Variants in KIRREL3 observed in about 807,000 individuals in gnomAD.
The protein encoded by KIRREL3 is kin of IRRE-like protein 3.
Under a neutral mutation model 89.7 loss-of-function variants are expected in KIRREL3, and 36 were observed. That is an observed-to-expected ratio of 0.40 (90% confidence interval 0.31 to 0.53). KIRREL3 has a LOEUF of 0.53. Among genes scored for constraint, KIRREL3 ranks in the 20% least tolerant of loss-of-function variants. The pLI is 0.49. For synonymous variants in KIRREL3, 445 were observed against 441.4 expected (o/e 1.01, Z -0.10); for missense variants, 864 against 1,056.6 (o/e 0.82, Z 2.53).
chr11:126,705,792 A>G lies in KIRREL3; in HGVS notation c.56-142880T>C, dbSNP rs930552647. Among the ~76,000 whole-genome samples, 18 of 152,208 alleles carry G rather than the reference A, an allele frequency of 1.2e-4. No homozygotes were observed. The highest frequency in any genetic ancestry group is 4.3e-4 in the African/African-American group (18 of 41,444). Reference sequence around the variant, plus strand: ...GAAAGAGGTGGAGGCTACCTCTCCTATTTTAGAACTGCCATGGCACTGTGA... The same window carrying G: ...GAAAGAGGTGGAGGCTACCTCTCCTGTTTTAGAACTGCCATGGCACTGTGA... On this transcript the variant is annotated intron_variant, in intron 1 of 16. Coordinates refer to ENST00000525144, the MANE Select transcript of KIRREL3 (RefSeq NM_032531.4). The surrounding 1 kb of genome is among the most constrained non-coding windows in gnomAD (Gnocchi z 4.3).
At chr11:126,728,072 G>A (rs1351041068) in intron 1 of KIRREL3, among the ~76,000 whole-genome samples, 1 of 152,154 alleles carries the variant, frequency 6.6e-6, no homozygotes. Flanking sequence ...AATCCATTAT[G>A]TGACTGGTAT....
rs946115524 is a variant in KIRREL3, at chr11:126,471,327, G to A, written c.591+1982C>T. ...GGAGGTTGCGGTGAGCTGAGATCAC[G>A]CCATTGCACTCCAGTCTGGGCAACA... is the stretch of plus-strand genomic sequence containing the variant. On this transcript the variant is annotated intron_variant, in intron 5 of 16. Coordinates refer to ENST00000525144, the MANE Select transcript of KIRREL3 (RefSeq NM_032531.4). This position sits in a 1 kb window ranked among gnomAD's most constrained non-coding sequence, Gnocchi z 5.4. Among the ~76,000 whole-genome samples, 1 of 151,786 alleles carries A rather than the reference G, an allele frequency of 6.6e-6. No individual in the cohort carries two copies. Among genetic ancestry groups the A allele is most frequent in the African/African-American group, 2.4e-5 (1 of 41,300 alleles).
At position 126,435,316 on chromosome 11, in the gene KIRREL3, A is replaced by G; in HGVS notation, c.1553-13T>C. The G allele has an allele frequency of 1.2e-6, 2 of 1,613,820 alleles. No individual in the cohort carries two copies. The highest frequency in any genetic ancestry group is 2.2e-5 in the East Asian group (1 of 44,864). On this transcript the variant is annotated splice_polypyrimidine_tract_variant and intron_variant, in intron 12 of 16. Transcript: ENST00000525144. ...TTCATTTCCGAACCTGTTTGGAAAT[A>G]AAGCAAGCGTCTACAGCCAGGGCCT...
Position 126,909,374 on chromosome 11 carries a change from C to T in KIRREL3, c.55+91081G>A, listed in dbSNP as rs1447453581. ...AAGGCAAGAGAGCAAGGACGCATTG[C>T]ACTCATCCTTGCATATCTGTAGCTC... On this transcript the variant is annotated intron_variant, in intron 1 of 16. Transcript: ENST00000525144. This position sits in a 1 kb window ranked among gnomAD's most constrained non-coding sequence, Gnocchi z 4.5. 6.6e-6 allele frequency among the ~76,000 whole-genome samples: 1 copy of T among 152,206 alleles called. No individual in the cohort carries two copies. Among genetic ancestry groups the T allele is most frequent in the Non-Finnish European group, 1.5e-5 (1 of 68,040 alleles).
In KIRREL3 at chr11:126,496,323, C is replaced by T. The variant is rs1957654336; in HGVS notation, c.434-22857G>A. Among the ~76,000 whole-genome samples, 1 of 152,170 alleles carries T rather than the reference C, an allele frequency of 6.6e-6. No homozygotes were observed. The highest frequency in any genetic ancestry group is 2.1e-4 in the South Asian group (1 of 4,826). On this transcript the variant is annotated intron_variant, in intron 4 of 16. Transcript: ENST00000525144. This position sits in a 1 kb window ranked among gnomAD's most constrained non-coding sequence, Gnocchi z 4.9. ...TCTTTCTCTTTACCAGAACCCTGAA[C>T]ACTGGTAAGGCAGGCATTCTTAGTC...
intron 11 of KIRREL3, among the ~76,000 whole-genome samples, chr11:126,438,437 G>A (rs532318106): frequency 3.3e-5 from 5 of 152,330 alleles, no homozygotes; most frequent in South Asian, 4.1e-4. Flanking sequence ...ATTCCTGGCC[G>A]TGGGGCTCTC....
rs1414495220 is a variant in KIRREL3, at chr11:126,709,358, G to A, written c.56-146446C>T. ...CTTCCCCGGGAGTAGGGGTGGAGGG[G>A]CAGCACCCCCGGGCAGAAGATGCAG... On this transcript the variant is annotated intron_variant, in intron 1 of 16. Coordinates refer to ENST00000525144, the MANE Select transcript of KIRREL3 (RefSeq NM_032531.4). The surrounding 1 kb of genome is among the most constrained non-coding windows in gnomAD (Gnocchi z 4.0). 6.6e-6 allele frequency among the ~76,000 whole-genome samples: 1 copy of A among 152,138 alleles called. No individual in the cohort carries two copies. Among genetic ancestry groups the A allele is most frequent in the Non-Finnish European group, 1.5e-5 (1 of 68,034 alleles).
chr11:126,440,602 G>T, intron 10 of KIRREL3, 53 bp from the exon 11 acceptor site: 1 of 1,483,414 alleles, frequency 6.7e-7, no homozygotes, highest in Non-Finnish European at 9.2e-7. Flanking sequence ...GTCCCTGCTG[G>T]CGCCCTCTTG....
Position 126,521,609 on chromosome 11 carries a change from C to T in KIRREL3, c.284-145G>A, listed in dbSNP as rs998114082. 2 of 690,744 alleles carry T rather than the reference C, an allele frequency of 2.9e-6. No homozygotes were observed. Among genetic ancestry groups the T allele is most frequent in the African/African-American group, 3.6e-5 (2 of 55,498 alleles). 42.8% of individuals were successfully genotyped at this position (690,744 alleles called of 1,614,324 possible). Reference sequence around the variant, plus strand: ...ATTGCTCAGGGCTCTGATCTCAGTGCAAGGAGCACAAATGCAAGAGCTTTC... The same window carrying T: ...ATTGCTCAGGGCTCTGATCTCAGTGTAAGGAGCACAAATGCAAGAGCTTTC... On this transcript the variant is annotated intron_variant, in intron 3 of 16. Transcript: ENST00000525144. The surrounding 1 kb of genome is among the most constrained non-coding windows in gnomAD (Gnocchi z 4.1).
rs1956563807 is a variant in KIRREL3 at position 126,462,044 on chromosome 11, G to A, written c.742+1113C>T. 6.6e-6 allele frequency among the ~76,000 whole-genome samples: 1 copy of A among 152,136 alleles called. No homozygotes were observed. The highest frequency in any genetic ancestry group is 1.5e-5 in the Non-Finnish European group (1 of 68,032). On this transcript the variant is annotated intron_variant, in intron 6 of 16. Coordinates refer to ENST00000525144, the MANE Select transcript of KIRREL3 (RefSeq NM_032531.4). This position sits in a 1 kb window ranked among gnomAD's most constrained non-coding sequence, Gnocchi z 4.8. ...AACTGAACTAATCCAGTCTTGAGAGGAAGGCCCCTGGAACACCTTGCTGAG... is the reference window on the plus strand; with the variant it reads ...AACTGAACTAATCCAGTCTTGAGAGAAAGGCCCCTGGAACACCTTGCTGAG...
chr11:126,958,437 C>A (rs1440200956), intron 1 of KIRREL3, among the ~76,000 whole-genome samples: 1 of 152,238 alleles, frequency 6.6e-6, no homozygotes, highest in Non-Finnish European at 1.5e-5. Context: ...GTGATGAGGT[C>A]TAACAGAGAC....
rs1945314879 is a variant in KIRREL3, at chr11:126,876,978, C to T, written c.55+123477G>A. On this transcript the variant is annotated intron_variant, in intron 1 of 16. Coordinates refer to ENST00000525144, the MANE Select transcript of KIRREL3 (RefSeq NM_032531.4). The surrounding 1 kb of genome is among the most constrained non-coding windows in gnomAD (Gnocchi z 4.1). ...ATAAAAAAAGAGTTATATTACTGGG[C>T]ACCCAGGAAAAGGAACAACAGATAA... Among the ~76,000 whole-genome samples the T allele has an allele frequency of 6.6e-6, 1 of 152,134 alleles. No homozygotes were observed. The highest frequency in any genetic ancestry group is 1.5e-5 in the Non-Finnish European group (1 of 68,030).
chr11:126,819,044 G>A (rs542155653), intron 1 of KIRREL3, among the ~76,000 whole-genome samples: 1 of 152,314 alleles, frequency 6.6e-6, no homozygotes, highest in East Asian at 1.9e-4. Context: ...CAGTTGGGGA[G>A]GAAGGTGGCA....
At position 126,444,970 on chromosome 11, in the gene KIRREL3, G is replaced by C. The variant is rs746784902; in HGVS notation, c.1252+9C>G. On this transcript the variant is annotated intron_variant, in intron 10 of 16. Coordinates refer to ENST00000525144, the MANE Select transcript of KIRREL3 (RefSeq NM_032531.4). ...CCTCAGGCCTGGCTCACCCCAGCGA[G>C]GGTCTTACCATTGACGGTCAGGGTC... 2.5e-6 allele frequency: 4 copies of C among 1,613,682 alleles called. No homozygotes were observed. The highest frequency in any genetic ancestry group is 1.7e-4 in the Middle Eastern group (1 of 6,058).
chr11:126,684,589 C>T lies in KIRREL3; in HGVS notation c.56-121677G>A, dbSNP rs944514565. ...TTTACCCTACCAGGCCAGTCAGAAT[C>T]GACTCACTGATGATCAAAAAAGAGA... On this transcript the variant is annotated intron_variant, in intron 1 of 16. Transcript: ENST00000525144. This position sits in a 1 kb window ranked among gnomAD's most constrained non-coding sequence, Gnocchi z 4.2. 6.6e-6 allele frequency among the ~76,000 whole-genome samples: 1 copy of T among 152,152 alleles called. No homozygotes were observed. The highest frequency in any genetic ancestry group is 2.4e-5 in the African/African-American group (1 of 41,438).
At chr11:126,452,682 G>A (rs967319478) in intron 7 of KIRREL3, among the ~76,000 whole-genome samples, 1 of 152,196 alleles carries the variant, frequency 6.6e-6, no homozygotes, top group African/African-American at 2.4e-5. Context: ...TGCTGGCTCC[G>A]GGAGCCAAGG....
upstream of KIRREL3, among the ~76,000 whole-genome samples, chr11:127,002,506 A>G (rs1950332419): frequency 6.6e-6 from 1 of 152,236 alleles, no homozygotes; most frequent in African/African-American, 2.4e-5. Flanking sequence ...TCAAAAACAC[A>G]CAGAGGAGAT....
At chr11:126,712,313 G>A (rs963694491) in intron 1 of KIRREL3, among the ~76,000 whole-genome samples, 2 of 151,966 alleles carry the variant, frequency 1.3e-5, no homozygotes, top group Non-Finnish European at 2.9e-5. Flanking sequence ...TGGGGGGCTG[G>A]GGCTGTCCTC....
At position 126,627,281 on chromosome 11, in the gene KIRREL3, G is replaced by C. The variant is rs1759951987; in HGVS notation, c.56-64369C>G. On this transcript the variant is annotated intron_variant, in intron 1 of 16. Transcript: ENST00000525144. The surrounding 1 kb of genome is among the most constrained non-coding windows in gnomAD (Gnocchi z 5.0). ...GGCTGTAGGATGCTGAGGATTCCTGGGGGAGATGAGGAAGGAGACAGAGGC... is the reference window on the plus strand; with the variant it reads ...GGCTGTAGGATGCTGAGGATTCCTGCGGGAGATGAGGAAGGAGACAGAGGC... Among the ~76,000 whole-genome samples the C allele has an allele frequency of 6.6e-6, 1 of 152,172 alleles. No individual in the cohort carries two copies. The highest frequency in any genetic ancestry group is 6.5e-5 in the Admixed American group (1 of 15,272).
Sources: allele counts gnomAD v4.1 joint callset (sites outside exome capture counted in the v4.1 genomes callset), GRCh38; gene constraint gnomAD v4.1.1; non-coding constraint Gnocchi (gnomAD v3.1); transcripts MANE v1.5; gene names NCBI Gene and HGNC (gene_info 2026-07-23, HGNC 2026-07-21).